The following ABCB11 variants were observed in gnomAD, a reference collection of about 807,000 sequenced individuals.
ABCB11 encodes the protein bile salt export pump.
In ABCB11, 95 loss-of-function variants were observed where a neutral mutation model predicts 148.0. The observed-to-expected ratio is 0.64, with a 90% CI of 0.54 to 0.76. The LOEUF (loss-of-function observed/expected upper bound fraction) is 0.76. Ranked by LOEUF, ABCB11 falls within the 30% of genes least tolerant of loss-of-function variation. ABCB11 has a pLI of 0.00. For missense variants in ABCB11, 1,523 were observed against 1,617.8 expected (o/e 0.94, Z 1.01); for synonymous variants, 591 against 555.4 (o/e 1.06, Z -0.90).
chr2:168,953,779 T>C (rs1281595117), intron 19 of ABCB11, among the ~76,000 whole-genome samples: 1 of 151,628 alleles, frequency 6.6e-6, no homozygotes, highest in African/African-American at 2.4e-5. Flanking sequence ...TCCCATTCTA[T>C]TCAAAGTCAC....
At chr2:169,013,591 T>G in intron 4 of ABCB11, 81 bp from the exon 5 acceptor site, 4 of 1,149,568 alleles carry the variant, frequency 3.5e-6, no homozygotes, top group Middle Eastern at 4.1e-4. Context: ...AGTTACTAGA[T>G]TCTCATGAAT....
chr2:169,026,479 A>G (rs1158307361), intron 1 of ABCB11, among the ~76,000 whole-genome samples: 1 of 152,186 alleles, frequency 6.6e-6, no homozygotes, highest in Non-Finnish European at 1.5e-5. Flanking sequence ...AATTACTTGC[A>G]TGTACCCACA....
At chr2:168,988,394 T>A (rs1262900667) in intron 9 of ABCB11, among the ~76,000 whole-genome samples, 2 of 152,088 alleles carry the variant, frequency 1.3e-5, no homozygotes, top group Non-Finnish European at 1.5e-5. Flanking sequence ...CTTAACATAA[T>A]GTCCTCCAGG....
chr2:168,919,103 T>C (rs1442883405), downstream of ABCB11, among the ~76,000 whole-genome samples: 3 of 152,164 alleles, frequency 2.0e-5, no homozygotes, highest in Non-Finnish European at 2.9e-5. Flanking sequence ...TCCAGTTCTT[T>C]TTTTACCCAT....
chr2:168,920,717 G>A (rs968265025), downstream of ABCB11, among the ~76,000 whole-genome samples: 3 of 152,136 alleles, frequency 2.0e-5, no homozygotes, highest in Admixed American at 6.5e-5. Context: ...AAATTGCAGA[G>A]ACCAAATCTT....
chr2:168,964,142 G>C, intron 18 of ABCB11, 64 bp downstream of exon 18: 3 of 1,246,266 alleles, frequency 2.4e-6, no homozygotes, highest in Non-Finnish European at 3.4e-6. Context: ...CAGGCTTAAA[G>C]GGTACCCAAC....
At chr2:168,927,735 A>G (rs951754635) in intron 25 of ABCB11, among the ~76,000 whole-genome samples, 2 of 152,096 alleles carry the variant, frequency 1.3e-5, no homozygotes, top group African/African-American at 2.4e-5. Flanking sequence ...TATGGAAAGG[A>G]TTTTTCTCTG....
At chr2:168,934,229 C>A (rs946811776) in intron 23 of ABCB11, among the ~76,000 whole-genome samples, 3 of 152,090 alleles carry the variant, frequency 2.0e-5, no homozygotes, top group African/African-American at 4.8e-5. Flanking sequence ...AAAAGAGACA[C>A]TTTCCTAGCT....
chr2:168,995,128 T>C (rs752337875), intron 7 of ABCB11, among the ~76,000 whole-genome samples: 25 of 152,062 alleles, frequency 1.6e-4, no homozygotes, highest in Non-Finnish European at 3.2e-4. Context: ...ATATTTTAAT[T>C]AAGGTCTACA....
At position 168,958,070 on chromosome 2, in the gene ABCB11, T is replaced by A; in HGVS notation, c.2237A>T (p.Lys746Ile). The A allele has an allele frequency of 6.2e-7, 1 of 1,611,402 alleles. No homozygotes were observed. The highest frequency in any genetic ancestry group is 8.5e-7 in the Non-Finnish European group (1 of 1,178,298). ...VEPAPVRRILKFSAPEWPYML... is the reference protein window; with the variant it reads ...VEPAPVRRILIFSAPEWPYML... ...GTAGGGCCATTCTGGAGCACTGAAT[T>A]TCAGAATCCTCCTAACTGGGGCAGG... Residue 746 changes from lysine (K) to isoleucine (I), a missense_variant, in exon 19 of 28, where the codon AAA becomes ATA. Lys to Ile is a moderately radical substitution (Grantham distance 102, BLOSUM62 -3). Transcript: ENST00000650372.
At chr2:168,954,516 T>C (rs1417387846) in intron 19 of ABCB11, among the ~76,000 whole-genome samples, 2 of 151,610 alleles carry the variant, frequency 1.3e-5, no homozygotes, top group Non-Finnish European at 3.0e-5. Context: ...GCTGACAGTT[T>C]TTTTTTTCCT....
chr2:168,965,286 G>C (rs945001847), intron 17 of ABCB11, among the ~76,000 whole-genome samples: 4 of 151,756 alleles, frequency 2.6e-5, no homozygotes, highest in Admixed American at 1.3e-4. Context: ...GATTGGTTCA[G>C]ACTCCACCCT....
In ABCB11 at chr2:168,923,704, A is replaced by G; in HGVS notation, c.3884T>C (p.Ile1295Thr). The change falls in exon 28 of 28, where the codon ATT (isoleucine) becomes ACT (threonine). Residue 1295 changes from isoleucine to threonine, a missense_variant. By Grantham distance (89) the Ile-to-Thr change is moderately conservative. Transcript: ENST00000650372. ...IIAVMAQGVV[I>T]EKGTHEELMA... ...CAGTTCTTCATGGGTCCCCTTTTCAATCACCACCCCCTGTGCCATGACAGC... is the reference window on the plus strand; with the variant it reads ...CAGTTCTTCATGGGTCCCCTTTTCAGTCACCACCCCCTGTGCCATGACAGC... 6.2e-7 allele frequency: 1 copy of G among 1,613,686 alleles called. No homozygotes were observed. Among genetic ancestry groups the G allele is most frequent in the Admixed American group, 1.7e-5 (1 of 59,980 alleles).
At chr2:169,018,236 G>T (rs1695424119) in intron 1 of ABCB11, 84 bp from the exon 2 acceptor site, 2 of 1,282,096 alleles carry the variant, frequency 1.6e-6, no homozygotes, top group Admixed American at 4.1e-5. Context: ...AGAACAATTT[G>T]GTTCAAGAAA....
rs1304552799 is a variant in ABCB11 at position 169,029,812 on chromosome 2, C to T, written c.-28+1413G>A. ...GCGGACTGCAGTGGCGCAATCTCGG[C>T]TCACTGCAAGCTCCGCTTCCCGGGT... On this transcript the variant is annotated intron_variant, in intron 1 of 27. Transcript: ENST00000650372. Among the ~76,000 whole-genome samples the T allele has an allele frequency of 4.3e-5, 5 of 115,836 alleles. 1 individual carries two copies. In the East Asian group the frequency reaches 1.6e-3, roughly 37 times the overall value. 76.0% of individuals were successfully genotyped at this position (115,836 alleles called of 152,430 possible).
intron 19 of ABCB11, 140 bp from the exon 20 acceptor site, chr2:168,945,101 C>G (rs926145993): frequency 3.3e-6 from 2 of 603,022 alleles, no homozygotes; most frequent in Non-Finnish European, 5.8e-6. Context: ...AAGAGTGAAC[C>G]CTAATGTAAG....
In ABCB11 at chr2:169,018,422, T is replaced by A. The variant is rs531788965; in HGVS notation, c.-27-270A>T. Among the ~76,000 whole-genome samples, 4 of 152,340 alleles carry A rather than the reference T, an allele frequency of 2.6e-5. No individual in the cohort carries two copies. The South Asian group carries it at 8.3e-4, about 32-fold the overall frequency. ...AGGAAAGATAAAGCAAAACCATTGA[T>A]AAATTTTCCTCTAGTTGTTGGATGG... On this transcript the variant is annotated intron_variant, in intron 1 of 27. Coordinates refer to ENST00000650372, the MANE Select transcript of ABCB11 (RefSeq NM_003742.4).
At chr2:168,983,535 C>A (rs1694206361) in intron 10 of ABCB11, among the ~76,000 whole-genome samples, 1 of 152,110 alleles carries the variant, frequency 6.6e-6, no homozygotes, top group African/African-American at 2.4e-5. Context: ...TATTTATTTT[C>A]TTTAACAAAG....
At chr2:168,946,534 A>G (rs1319795298) in intron 19 of ABCB11, among the ~76,000 whole-genome samples, 1 of 151,826 alleles carries the variant, frequency 6.6e-6, no homozygotes, top group Admixed American at 6.6e-5. Flanking sequence ...AATTCTTCCC[A>G]GCATAGCATA....
Sources: allele counts gnomAD v4.1 joint callset (sites outside exome capture counted in the v4.1 genomes callset), GRCh38; gene constraint gnomAD v4.1.1; transcripts MANE v1.5; gene names NCBI Gene and HGNC (gene_info 2026-07-23, HGNC 2026-07-21).